ALDH1L1: variants seen among roughly 807,000 people sequenced by gnomAD.
ALDH1L1 encodes the protein cytosolic 10-formyltetrahydrofolate dehydrogenase.
In ALDH1L1, 68 loss-of-function variants were observed where a neutral mutation model predicts 101.1. The observed-to-expected ratio is 0.67, with a 90% confidence interval of 0.55 to 0.82. The LOEUF (loss-of-function observed/expected upper bound fraction) is 0.82. Ranked by LOEUF, ALDH1L1 falls within the 40% of genes least tolerant of loss-of-function variation. The pLI, the probability that ALDH1L1 is intolerant of heterozygous loss-of-function variation, is 0.00. For synonymous variants in ALDH1L1, 486 were observed against 470.8 expected, an observed-to-expected ratio of 1.03 and a Z score of -0.42; for missense variants, 1,087 against 1,172.7, an observed-to-expected ratio of 0.93 and a Z score of 1.07.
At chr3:126,115,651 T>G (rs1195127939) in intron 17 of ALDH1L1, 1 of 152,364 alleles carries the variant, frequency 6.6e-6, no homozygotes, top group Non-Finnish European at 1.5e-5. Context: ...TCTTGGCTCA[T>G]GCAACCTCCA....
chr3:126,134,276 G>GCC (rs141960622), intron 12 of ALDH1L1, among the ~76,000 whole-genome samples: 1 of 152,146 alleles, frequency 6.6e-6, no homozygotes, highest in African/African-American at 2.4e-5. Context: ...TGCCCAGGGT[G>GCC]CCCCCCTCAC....
At chr3:126,184,443 G>A (rs533572403), upstream of ALDH1L1, among the ~76,000 whole-genome samples, 1 of 152,326 alleles carries the variant, frequency 6.6e-6, no homozygotes, top group African/African-American at 2.4e-5. Flanking sequence ...CACCTCTGAG[G>A]GCAGGGACAG....
intron 13 of ALDH1L1, among the ~76,000 whole-genome samples, chr3:126,130,656 C>T (rs2080282170): frequency 6.6e-6 from 1 of 152,246 alleles, no homozygotes; most frequent in South Asian, 2.1e-4. Flanking sequence ...CAGCCAGAAG[C>T]TACACAGCTG....
intron 12 of ALDH1L1, among the ~76,000 whole-genome samples, chr3:126,134,282 C>A (rs1040501250): frequency 2.0e-5 from 3 of 152,198 alleles, no homozygotes; most frequent in Non-Finnish European, 2.9e-5. Context: ...GGGTGCCCCC[C>A]TCACTGTCAT....
At chr3:126,127,238 A>G (rs1171368042) in intron 14 of ALDH1L1, among the ~76,000 whole-genome samples, 1 of 152,166 alleles carries the variant, frequency 6.6e-6, no homozygotes, top group Non-Finnish European at 1.5e-5. Flanking sequence ...ACGGGGTCAA[A>G]GGAGCAGGGC....
chr3:126,120,379 C>T (rs2080055841), intron 16 of ALDH1L1, among the ~76,000 whole-genome samples: 1 of 152,164 alleles, frequency 6.6e-6, no homozygotes, highest in African/African-American at 2.4e-5. Context: ...AAATGAAAAG[C>T]CCGCATATGA....
intron 1 of ALDH1L1, among the ~76,000 whole-genome samples, chr3:126,170,679 C>G (rs529093698): frequency 1.3e-5 from 2 of 152,298 alleles, no homozygotes; most frequent in East Asian, 3.9e-4. Context: ...CATGTCCCCT[C>G]TTGTCCTTTT....
chr3:126,140,503 A>T (rs935248406), intron 9 of ALDH1L1, among the ~76,000 whole-genome samples: 1 of 152,136 alleles, frequency 6.6e-6, no homozygotes, highest in African/African-American at 2.4e-5. Flanking sequence ...TAAGTATGAA[A>T]GTCCATATTA....
Position 126,114,632 on chromosome 3 carries a change from C to A in ALDH1L1, c.2007G>T (p.Lys669Asn). The change falls in exon 18 of 23, where the codon AAG (lysine) becomes AAT (asparagine). Residue 669 changes from lysine to asparagine, a missense_variant. Lys to Asn is a moderately conservative substitution (Grantham distance 94). This residue lies in a region of ALDH1L1 where 442 missense variants were observed against 535.7 expected (regional missense o/e 0.83). Transcript: ENST00000393434. Reference sequence around the variant, plus strand: ...ACTTCCCGCCCAGTTCCAGGGACACCTTCTTCACGTTACTTATGGCACAGC... The same window carrying A: ...ACTTCCCGCCCAGTTCCAGGGACACATTCTTCACGTTACTTATGGCACAGC... Reference protein sequence around the residue: ...MKSCAISNVKKVSLELGGKSP... With the variant: ...MKSCAISNVKNVSLELGGKSP... 6.6e-7 allele frequency: 1 copy of A among 1,520,896 alleles called. No individual in the cohort carries two copies. Among genetic ancestry groups the A allele is most frequent in the African/African-American group, 1.4e-5 (1 of 72,132 alleles). The allele number at this position is 1,520,896 out of a possible 1,614,324, so 94.2% of individuals were successfully genotyped here. A position where few individuals can be genotyped will look rare whatever the true frequency, so the allele number is the denominator to read the frequency against.
chr3:126,189,820 T>G (rs1447620064), intron 1 of ALDH1L1, among the ~76,000 whole-genome samples: 2 of 152,220 alleles, frequency 1.3e-5, no homozygotes, highest in African/African-American at 4.8e-5. Context: ...GTTCAGTCTA[T>G]GTTTTCCACT....
intron 14 of ALDH1L1, 66 bp downstream of exon 14, chr3:126,130,157 G>A: frequency 5.6e-6 from 8 of 1,440,578 alleles, no homozygotes; most frequent in Non-Finnish European, 7.4e-6. Context: ...CGCAGGCTGT[G>A]CTACAGTTCC....
intron 2 of ALDH1L1, chr3:126,159,292 G>A (rs778701173): frequency 7.7e-5 from 30 of 390,208 alleles, no homozygotes; most frequent in African/African-American, 1.3e-4. Flanking sequence ...CTCCTGCCCC[G>A]TCACCAGCAC....
chr3:126,133,325 G>A (rs903163420), intron 12 of ALDH1L1, among the ~76,000 whole-genome samples: 1 of 152,198 alleles, frequency 6.6e-6, no homozygotes, highest in African/African-American at 2.4e-5. Context: ...ATCACTGTGT[G>A]TTGTCACCTG....
chr3:126,161,468 A>G (rs1211488086), intron 1 of ALDH1L1, among the ~76,000 whole-genome samples: 1 of 152,234 alleles, frequency 6.6e-6, no homozygotes. Context: ...CAAAAGGAGC[A>G]AGGGGAGTCC....
intron 1 of ALDH1L1, among the ~76,000 whole-genome samples, chr3:126,175,201 T>C (rs911585985): frequency 1.3e-5 from 2 of 151,922 alleles, no homozygotes; most frequent in East Asian, 1.9e-4. Context: ...CAAAGAGAAA[T>C]AGATAATCTG....
intron 8 of ALDH1L1, among the ~76,000 whole-genome samples, chr3:126,150,023 T>G (rs978619931): frequency 6.6e-6 from 1 of 152,210 alleles, no homozygotes; most frequent in African/African-American, 2.4e-5. Context: ...GCAGCTTGTG[T>G]TGGTCACAGC....
intron 11 of ALDH1L1, 145 bp downstream of exon 11, chr3:126,136,619 A>G: frequency 7.4e-7 from 1 of 1,350,512 alleles, no homozygotes; most frequent in Non-Finnish European, 9.9e-7. Flanking sequence ...GCTGGAAACG[A>G]CCTGGCATTC....
intron 1 of ALDH1L1, among the ~76,000 whole-genome samples, chr3:126,166,129 G>T (rs1392158002): frequency 6.6e-6 from 1 of 151,800 alleles, no homozygotes; most frequent in East Asian, 1.9e-4. Flanking sequence ...CCATATTCAG[G>T]GTTTCTTCTA....
At chr3:126,148,305 C>T (rs2080737930) in intron 8 of ALDH1L1, among the ~76,000 whole-genome samples, 2 of 152,210 alleles carry the variant, frequency 1.3e-5, no homozygotes, top group South Asian at 4.1e-4. Flanking sequence ...TCAGCAAACA[C>T]AACGTTTCTG....
Sources: gnomAD v4.1 joint callset for allele counts (sites outside exome capture counted in the v4.1 genomes callset) on GRCh38, gnomAD v4.1.1 for gene constraint, gnomAD v4.1.1 regional missense constraint, MANE v1.5 for transcripts, NCBI Gene and HGNC (gene_info 2026-07-23, HGNC 2026-07-21) for gene names.